Variants in DCAF10 observed in about 807,000 individuals in gnomAD.
DCAF10 encodes the protein DDB1 and CUL4 associated factor 10, also known as DDB1- and CUL4-associated factor 10.
A neutral mutation model predicts 51.9 loss-of-function variants in DCAF10; 19 were observed. That is an observed-to-expected ratio of 0.37 (90% CI 0.26 to 0.54). DCAF10 has a LOEUF of 0.54. DCAF10 is among the 20% of genes least tolerant of loss of function. The pLI is 0.87. For missense variants in DCAF10, 510 were observed against 730.6 expected (o/e 0.70, Z 3.48); for synonymous variants, 291 against 297.1 (o/e 0.98, Z 0.21).
chr9:37,819,103 T>C (rs1487888750), intron 1 of DCAF10, among the ~76,000 whole-genome samples, 185 bp from the exon 2 acceptor site: 2 of 152,188 alleles, frequency 1.3e-5, no homozygotes, highest in Non-Finnish European at 1.5e-5. Context: ...CGATAATGTA[T>C]GAGAGTACCA....
chr9:37,847,624 T>A (rs971729069), intron 3 of DCAF10, among the ~76,000 whole-genome samples: 1 of 152,188 alleles, frequency 6.6e-6, no homozygotes, highest in Non-Finnish European at 1.5e-5. Flanking sequence ...CCACTTTTTT[T>A]TGAAATTATA....
chr9:37,807,828 A>G (rs923040094), intron 1 of DCAF10, among the ~76,000 whole-genome samples: 4 of 151,826 alleles, frequency 2.6e-5, no homozygotes, highest in African/African-American at 4.8e-5. Context: ...ACGCTCGGCT[A>G]ATTTTGTATT....
intron 3 of DCAF10, among the ~76,000 whole-genome samples, chr9:37,844,897 TAC>T (rs1830435890): frequency 6.7e-6 from 1 of 148,660 alleles, no homozygotes; most frequent in African/African-American, 2.4e-5. Context: ...CTTGATGTAT[TAC>T]ACATATTTAG....
chr9:37,836,085 G>C (rs1830157121), intron 2 of DCAF10: 2 of 1,193,580 alleles, frequency 1.7e-6, no homozygotes, highest in Non-Finnish European at 2.5e-6. Flanking sequence ...TGCTGTGCTT[G>C]ATGCTAAAGA....
At position 37,854,775 on chromosome 9, in the gene DCAF10, T is replaced by C; in HGVS notation, c.852-5T>C. On this transcript the variant is annotated splice_region_variant and splice_polypyrimidine_tract_variant and intron_variant, in intron 3 of 6. Coordinates refer to ENST00000377724, the MANE Select transcript of DCAF10 (RefSeq NM_024345.5). ...TAGATTTTGTTGGCTTGGTTTCTCCTGTAGGTATACAGAAGATGGGTGTCC... is the reference window on the plus strand; with the variant it reads ...TAGATTTTGTTGGCTTGGTTTCTCCCGTAGGTATACAGAAGATGGGTGTCC... 1 of 1,612,902 alleles carries C rather than the reference T, an allele frequency of 6.2e-7. No homozygotes were observed. Among genetic ancestry groups the C allele is most frequent in the Non-Finnish European group, 8.5e-7 (1 of 1,179,558 alleles).
intron 2 of DCAF10, among the ~76,000 whole-genome samples, chr9:37,830,262 G>A (rs780434516): frequency 6.6e-5 from 10 of 152,176 alleles, no homozygotes; most frequent in Non-Finnish European, 1.0e-4. Context: ...AGAAAAAAAT[G>A]TAGAATGAGC....
chr9:37,817,685 G>A (rs1300295727), intron 1 of DCAF10, among the ~76,000 whole-genome samples: 1 of 151,952 alleles, frequency 6.6e-6, no homozygotes, highest in Non-Finnish European at 1.5e-5. Flanking sequence ...AGGATCACTT[G>A]AGGCCAGGAA....
rs1383948786 is a variant in DCAF10 at position 37,819,402 on chromosome 9, G to A, written c.653+1G>A. 1 of 1,607,622 alleles carries A rather than the reference G, an allele frequency of 6.2e-7. No individual in the cohort carries two copies. Among genetic ancestry groups the A allele is most frequent in the East Asian group, 2.2e-5 (1 of 44,770 alleles). Reference sequence around the variant, plus strand: ...ATGAAGACTGTGTAAATAATATCAGGTTAGTATTATAGTGAAAAAGTGAAC... The same window carrying A: ...ATGAAGACTGTGTAAATAATATCAGATTAGTATTATAGTGAAAAAGTGAAC... On this transcript the variant is annotated splice_donor_variant, in intron 2 of 6. Coordinates refer to ENST00000377724, the MANE Select transcript of DCAF10 (RefSeq NM_024345.5). LOFTEE classifies it high-confidence loss of function.
chr9:37,809,706 G>A (rs1485850293), intron 1 of DCAF10, among the ~76,000 whole-genome samples: 2 of 151,956 alleles, frequency 1.3e-5, no homozygotes, highest in Non-Finnish European at 2.9e-5. Flanking sequence ...GGTGGTGGGC[G>A]CCTATAATCC....
intron 1 of DCAF10, among the ~76,000 whole-genome samples, chr9:37,807,838 T>G (rs550607795): frequency 3.3e-5 from 5 of 152,024 alleles, no homozygotes; most frequent in Non-Finnish European, 4.4e-5. Flanking sequence ...AATTTTGTAT[T>G]TTTAGTAGAG....
At chr9:37,818,246 G>A (rs560648486) in intron 1 of DCAF10, among the ~76,000 whole-genome samples, 7 of 152,132 alleles carry the variant, frequency 4.6e-5, no homozygotes, top group South Asian at 2.1e-4. Context: ...CACCCACCTC[G>A]GTCTCCCAAA....
chr9:37,808,889 T>G (rs1829243706), intron 1 of DCAF10, among the ~76,000 whole-genome samples: 1 of 144,784 alleles, frequency 6.9e-6, no homozygotes, highest in South Asian at 2.1e-4. Context: ...AAAACTGAGG[T>G]GGGAGGATCT....
chr9:37,857,497 C>A, intron 5 of DCAF10, 146 bp downstream of exon 5: 1 of 532,818 alleles, frequency 1.9e-6, no homozygotes, highest in Non-Finnish European at 3.1e-6. Context: ...CAGTCATCAT[C>A]TTCAAAAAGC....
chr9:37,801,386 C>G lies in DCAF10; in HGVS notation c.520C>G (p.Leu174Val), dbSNP rs575473033. ...CCGCACCCACGGCGCCGTCTTCAAC[C>G]TCGAGTACTCGCCCGACGGGTAAGC... is the stretch of plus-strand genomic sequence containing the variant. ...STRTHGAVFN[L>V]EYSPDGSVLT... is the part of the protein sequence containing the mutation. Residue 174 changes from leucine to valine, a missense_variant, in exon 1 of 7, where the codon CTC becomes GTC. Leu to Val is a conservative substitution (Grantham distance 32, BLOSUM62 1). Coordinates refer to ENST00000377724, the MANE Select transcript of DCAF10 (RefSeq NM_024345.5). The surrounding 1 kb of genome is among the most constrained non-coding windows in gnomAD (Gnocchi z 5.5). The G allele has an allele frequency of 6.6e-7, 1 of 1,525,944 alleles. No homozygotes were observed. The highest frequency in any genetic ancestry group is 1.2e-5 in the South Asian group (1 of 80,926). 94.5% of individuals were successfully genotyped at this position (1,525,944 alleles called of 1,614,324 possible). A position where few individuals can be genotyped will look rare whatever the true frequency, so the allele number is the denominator to read the frequency against.
At chr9:37,820,605 T>C (rs927601150) in intron 2 of DCAF10, among the ~76,000 whole-genome samples, 1 of 152,170 alleles carries the variant, frequency 6.6e-6, no homozygotes, top group Non-Finnish European at 1.5e-5. Context: ...TAACTGAATG[T>C]CTATGTATGA....
At position 37,801,835 on chromosome 9, in the gene DCAF10, G is replaced by A. The variant is rs904455520; in HGVS notation, c.539+430G>A. On this transcript the variant is annotated intron_variant, in intron 1 of 6. Transcript: ENST00000377724. This position sits in a 1 kb window ranked among gnomAD's most constrained non-coding sequence, Gnocchi z 5.5. The stretch of plus-strand genomic sequence containing the variant: ...GAAAGCTGTAGATTCCTTGCACTCT[G>A]TACCTGAACTTGCCATGATGGGGCA... Among the ~76,000 whole-genome samples the A allele has an allele frequency of 6.6e-6, 1 of 152,170 alleles. No homozygotes were observed. The highest frequency in any genetic ancestry group is 1.5e-5 in the Non-Finnish European group (1 of 68,032).
In DCAF10 at chr9:37,865,951, T is replaced by C. The variant is rs1054349953; in HGVS notation, c.*4443T>C. The C allele has an allele frequency of 3.3e-5, 5 of 152,640 alleles. No individual in the cohort carries two copies. Among genetic ancestry groups the C allele is most frequent in the African/African-American group, 1.2e-4 (5 of 41,450 alleles). The allele number at this position is 152,640 out of a possible 1,614,324, so 9.5% of individuals were successfully genotyped here. On this transcript the variant is annotated 3_prime_UTR_variant, in exon 7 of 7. Transcript: ENST00000377724. ...CAATATAGGGAAAACACTCTAAGAA[T>C]CTTTTAAAAGCCTAGTGTTTCCCTT... is the stretch of plus-strand genomic sequence containing the variant.
At position 37,854,921 on chromosome 9, in the gene DCAF10, TA is replaced by T. The variant is rs1269173797; in HGVS notation, c.995del (p.Lys332SerfsTer3). 6.2e-7 allele frequency: 1 copy of T among 1,613,932 alleles called. No individual in the cohort carries two copies. The highest frequency in any genetic ancestry group is 8.5e-7 in the Non-Finnish European group (1 of 1,179,988). ...LLILHDLDLT[K>X]SLEVGSYPIL... ...TAATTTTGCATGACCTTGACTTAAC[TA>T]AGTCTTTAGAAGTAGGCAGCTATCC... is the stretch of plus-strand genomic sequence containing the variant. On this transcript the variant is annotated frameshift_variant, in exon 4 of 7. Transcript: ENST00000377724. LOFTEE classifies it high-confidence loss of function.
chr9:37,860,043 C>A lies in DCAF10; in HGVS notation c.1166-5C>A. On this transcript the variant is annotated splice_polypyrimidine_tract_variant and splice_region_variant and intron_variant, in intron 5 of 6. Coordinates refer to ENST00000377724, the MANE Select transcript of DCAF10 (RefSeq NM_024345.5). ...ATCCCACATCCTCATTTTCTTATATCTCAGGAGTTTCACCACGAAATAGTC... is the reference window on the plus strand; with the variant it reads ...ATCCCACATCCTCATTTTCTTATATATCAGGAGTTTCACCACGAAATAGTC... 6.2e-7 allele frequency: 1 copy of A among 1,614,024 alleles called. No homozygotes were observed. Among genetic ancestry groups the A allele is most frequent in the East Asian group, 2.2e-5 (1 of 44,876 alleles).
Sources: gnomAD v4.1 joint callset for allele counts (sites outside exome capture counted in the v4.1 genomes callset) on GRCh38, gnomAD v4.1.1 for gene constraint, Gnocchi (gnomAD v3.1) non-coding constraint, MANE v1.5 for transcripts, NCBI Gene and HGNC (gene_info 2026-07-23, HGNC 2026-07-21) for gene names.